Variants in GAP43 observed in about 807,000 individuals in gnomAD.
GAP43 encodes neuromodulin.
GAP43 carries 6 observed loss-of-function variants against 18.6 expected under a neutral mutation model. The ratio of observed to expected loss-of-function variants is 0.32; its 90% confidence interval spans 0.18 to 0.64. The LOEUF (loss-of-function observed/expected upper bound fraction) is 0.64. Ranked by LOEUF, GAP43 falls within the 30% of genes least tolerant of loss-of-function variation. The probability of loss-of-function intolerance (pLI) is 0.78; values close to 1 mark genes in which losing one functional copy is unlikely to be tolerated. For missense variants in GAP43, 292 were observed against 295.5 expected, an observed-to-expected ratio of 0.99 and a Z score of 0.09; for synonymous variants, 115 against 111.4, an observed-to-expected ratio of 1.03 and a Z score of -0.20.
intron 1 of GAP43, among the ~76,000 whole-genome samples, chr3:115,666,465 C>T (rs746194657): frequency 6.8e-4 from 103 of 152,178 alleles, no homozygotes; most frequent in Admixed American, 1.4e-3. Context: ...CTTAATGTCA[C>T]GATGCTCTAG....
intron 2 of GAP43, among the ~76,000 whole-genome samples, chr3:115,690,279 C>T (rs971988180): frequency 6.0e-5 from 9 of 151,144 alleles, no homozygotes; most frequent in African/African-American, 1.9e-4. Flanking sequence ...CCCCAGCCAG[C>T]GCTGCCTCAA....
At chr3:115,664,336 A>G (rs1708705168) in intron 1 of GAP43, among the ~76,000 whole-genome samples, 1 of 152,048 alleles carries the variant, frequency 6.6e-6, no homozygotes, top group African/African-American at 2.4e-5. Flanking sequence ...GAGCTATAAA[A>G]GAAAACTATA....
chr3:115,639,719 A>C (rs1303744387), intron 1 of GAP43, among the ~76,000 whole-genome samples: 1 of 152,086 alleles, frequency 6.6e-6, no homozygotes, highest in Non-Finnish European at 1.5e-5. Flanking sequence ...ATTTTCCTAA[A>C]GGGAAATAAA....
chr3:115,701,348 T>C (rs1047019944), intron 2 of GAP43, among the ~76,000 whole-genome samples: 1 of 152,124 alleles, frequency 6.6e-6, no homozygotes, highest in African/African-American at 2.4e-5. Context: ...AGGTGAGTTC[T>C]GTACCTGGCT....
chr3:115,624,644 C>A (rs562657581), intron 1 of GAP43, among the ~76,000 whole-genome samples: 1 of 152,224 alleles, frequency 6.6e-6, no homozygotes, highest in Non-Finnish European at 1.5e-5. Context: ...CTCCTTCCCT[C>A]CCCCACTGCC....
At chr3:115,627,683 A>C (rs938633563) in intron 1 of GAP43, among the ~76,000 whole-genome samples, 1 of 152,162 alleles carries the variant, frequency 6.6e-6, no homozygotes, top group Non-Finnish European at 1.5e-5. Flanking sequence ...TCATCTCAAG[A>C]GAAGGTATAG....
intron 1 of GAP43, among the ~76,000 whole-genome samples, chr3:115,631,019 G>A (rs183745721): frequency 3.3e-5 from 5 of 152,156 alleles, no homozygotes; most frequent in South Asian, 2.1e-4. Flanking sequence ...CTTATTCAGC[G>A]TGGGCTTTGT....
At chr3:115,706,491 TG>T (rs1283120680) in intron 2 of GAP43, among the ~76,000 whole-genome samples, 1 of 152,226 alleles carries the variant, frequency 6.6e-6, no homozygotes, top group Non-Finnish European at 1.5e-5. Context: ...GGTTTTTGTT[TG>T]TTTAATCAAC....
intron 1 of GAP43, among the ~76,000 whole-genome samples, chr3:115,651,808 C>T (rs932143355): frequency 1.3e-5 from 2 of 152,078 alleles, no homozygotes; most frequent in African/African-American, 4.8e-5. Context: ...CTTTCTCAGC[C>T]TTCACTTAAC....
chr3:115,644,561 A>G lies in GAP43; in HGVS notation c.30+20842A>G, dbSNP rs2043821. Among the ~76,000 whole-genome samples the G allele has an allele frequency of 0.17, 26,136 of 152,090 alleles. 2,307 individuals are homozygous for G. The highest frequency in any genetic ancestry group is 0.24 in the Admixed American group (3,599 of 15,242). ...CAAGATAAAAATAGCAAGATCTTCT[A>G]GAAAAGATTTAAGTTTCAAGGCAAA... On this transcript the variant is annotated intron_variant, in intron 1 of 2. Coordinates refer to ENST00000305124, the MANE Select transcript of GAP43 (RefSeq NM_002045.4). The surrounding 1 kb of genome is among the most constrained non-coding windows in gnomAD (Gnocchi z 4.2).
intron 1 of GAP43, among the ~76,000 whole-genome samples, chr3:115,670,707 G>A (rs6790048): frequency 0.47 from 71,649 of 151,816 alleles, 18,324 homozygotes; most frequent in African/African-American, 0.67. Context: ...AAATAAAGTG[G>A]GCCATAAGTA....
chr3:115,671,973 G>A (rs1708819360), intron 1 of GAP43, among the ~76,000 whole-genome samples: 1 of 152,220 alleles, frequency 6.6e-6, no homozygotes, highest in South Asian at 2.1e-4. Flanking sequence ...TATGTGGGTA[G>A]ACACAGTATC....
At chr3:115,717,044 G>C (rs1391667315) in intron 2 of GAP43, among the ~76,000 whole-genome samples, 1 of 151,778 alleles carries the variant, frequency 6.6e-6, no homozygotes, top group Non-Finnish European at 1.5e-5. Context: ...CTCTGGCTTG[G>C]TCATAAGCAA....
rs978344239 is a variant in GAP43 at position 115,687,050 on chromosome 3, A to G, written c.628+10440A>G. On this transcript the variant is annotated intron_variant, in intron 2 of 2. Coordinates refer to ENST00000305124, the MANE Select transcript of GAP43 (RefSeq NM_002045.4). Reference sequence around the variant, plus strand: ...ATATATACACTAAACCCCAAAGCAGAGAAGCTTTGGTTGAGAATGATAGGG... The same window carrying G: ...ATATATACACTAAACCCCAAAGCAGGGAAGCTTTGGTTGAGAATGATAGGG... Among the ~76,000 whole-genome samples the G allele has an allele frequency of 4.6e-5, 7 of 151,922 alleles. No individual in the cohort carries two copies. The East Asian group carries it at 9.6e-4, about 21-fold the overall frequency.
Position 115,712,084 on chromosome 3 carries a change from A to C in GAP43, c.629-8710A>C, listed in dbSNP as rs192751756. 4.7e-4 allele frequency among the ~76,000 whole-genome samples: 71 copies of C among 152,276 alleles called. 1 individual carries two copies. Among genetic ancestry groups the C allele is most frequent in the Admixed American group, 7.2e-4 (11 of 15,302 alleles). ...ATTTTTTATAAATAATGTTTTAAGAAGTTTTCAAGGCTAGTCAACTTGTAC... is the reference window on the plus strand; with the variant it reads ...ATTTTTTATAAATAATGTTTTAAGACGTTTTCAAGGCTAGTCAACTTGTAC... On this transcript the variant is annotated intron_variant, in intron 2 of 2. Transcript: ENST00000305124.
chr3:115,713,439 G>A (rs1709465544), intron 2 of GAP43, among the ~76,000 whole-genome samples: 1 of 152,180 alleles, frequency 6.6e-6, no homozygotes, highest in African/African-American at 2.4e-5. Flanking sequence ...GAAGGGCCTG[G>A]ACTGGAGCCA....
chr3:115,686,461 C>T (rs143647324), intron 2 of GAP43, among the ~76,000 whole-genome samples: 4 of 152,232 alleles, frequency 2.6e-5, no homozygotes, highest in African/African-American at 9.6e-5. Context: ...GGAATTTGTA[C>T]ATTGTCCTCA....
intron 2 of GAP43, among the ~76,000 whole-genome samples, chr3:115,712,547 C>T (rs1208272517): frequency 7.9e-5 from 12 of 152,142 alleles, no homozygotes; most frequent in Admixed American, 3.3e-4. Flanking sequence ...ATTAAAATCT[C>T]GACAAACTAC....
At chr3:115,708,601 A>G (rs1709394478) in intron 2 of GAP43, among the ~76,000 whole-genome samples, 1 of 152,158 alleles carries the variant, frequency 6.6e-6, no homozygotes, top group African/African-American at 2.4e-5. Flanking sequence ...TCCAACAGAG[A>G]GCTCTGAAGC....
Sources: gnomAD v4.1 joint callset for allele counts (sites outside exome capture counted in the v4.1 genomes callset) on GRCh38, gnomAD v4.1.1 for gene constraint, Gnocchi (gnomAD v3.1) non-coding constraint, MANE v1.5 for transcripts, NCBI Gene and HGNC (gene_info 2026-07-23, HGNC 2026-07-21) for gene names.